ADAMTS20: variants seen among roughly 807,000 people sequenced by gnomAD.
The protein encoded by ADAMTS20 is A disintegrin and metalloproteinase with thrombospondin motifs 20.
A neutral mutation model predicts 260.1 loss-of-function variants in ADAMTS20; 225 were observed. The observed-to-expected ratio is 0.87, with a 90% CI of 0.78 to 0.97. The LOEUF is 0.97. Ranked by LOEUF, ADAMTS20 falls within the 50% of genes least tolerant of loss-of-function variation. ADAMTS20 has a pLI of 0.00. For missense variants in ADAMTS20, 2,400 were observed against 2,337.7 expected, an observed-to-expected ratio of 1.03 and a Z score of -0.55; for synonymous variants, 802 against 769.5, an observed-to-expected ratio of 1.04 and a Z score of -0.70.
rs543873572 is a variant in ADAMTS20 at position 43,471,032 on chromosome 12, C to T, written c.1118-2327G>A. 9.5e-4 allele frequency among the ~76,000 whole-genome samples: 144 copies of T among 152,266 alleles called. 1 individual carries two copies. Among genetic ancestry groups the T allele is most frequent in the Middle Eastern group, 6.8e-3 (2 of 294 alleles). On this transcript the variant is annotated intron_variant, in intron 7 of 38. Transcript: ENST00000389420. ...TCCGGTCTACAGCTCCCAGCGTGAG[C>T]GACGCAGAAGACGGGTGATTTCTGC... is the stretch of plus-strand genomic sequence containing the variant.
intron 3 of ADAMTS20, among the ~76,000 whole-genome samples, chr12:43,531,093 T>C (rs1288199924): frequency 6.6e-6 from 1 of 151,644 alleles, no homozygotes; most frequent in Non-Finnish European, 1.5e-5. Flanking sequence ...AACAGGAAAA[T>C]TGATATATGA....
chr12:43,530,643 C>A (rs1195216778), intron 3 of ADAMTS20, among the ~76,000 whole-genome samples: 1 of 152,092 alleles, frequency 6.6e-6, no homozygotes, highest in African/African-American at 2.4e-5. Context: ...CTAATCCCAC[C>A]CTTTTGTCTA....
chr12:43,479,993 G>C (rs1031649303), intron 7 of ADAMTS20, among the ~76,000 whole-genome samples: 8 of 151,984 alleles, frequency 5.3e-5, no homozygotes, highest in African/African-American at 1.9e-4. Flanking sequence ...AAAACAATAA[G>C]AAAATGCTAT....
intron 28 of ADAMTS20, among the ~76,000 whole-genome samples, chr12:43,408,508 G>T (rs1054441212): frequency 6.6e-6 from 1 of 152,086 alleles, no homozygotes; most frequent in Non-Finnish European, 1.5e-5. Flanking sequence ...CAGCCATAAA[G>T]CCAAGAACTA....
chr12:43,502,371 A>G lies in ADAMTS20; in HGVS notation c.648T>C (p.His216=). The G allele has an allele frequency of 6.2e-7, 1 of 1,603,590 alleles. No homozygotes were observed. Among genetic ancestry groups the G allele is most frequent in the Non-Finnish European group, 8.5e-7 (1 of 1,177,358 alleles). The change falls in exon 4 of 39, where the codon CAT becomes CAC. Residue 216 remains histidine, a synonymous_variant. Transcript: ENST00000389420. ...GATCTTCATTCATGTTGCTGTAGGT[A>G]TGAAAGGGTAAACTGGTTTCCTTTA... ...SQIKETSLPF[H]TYSNMNEDLN...
chr12:43,551,761 G>A lies in ADAMTS20; in HGVS notation c.91+70C>T. On this transcript the variant is annotated intron_variant, in intron 1 of 38. Transcript: ENST00000389420. The surrounding 1 kb of genome is among the most constrained non-coding windows in gnomAD (Gnocchi z 4.6). Reference sequence around the variant, plus strand: ...CCAACGGGCTGAGCCGCTCGTCCCCGCGACCTGCATGTCCCACTCGGGCCC... The same window carrying A: ...CCAACGGGCTGAGCCGCTCGTCCCCACGACCTGCATGTCCCACTCGGGCCC... 2.0e-6 allele frequency: 3 copies of A among 1,502,364 alleles called. No individual in the cohort carries two copies. The East Asian group carries it at 6.8e-5, about 34-fold the overall frequency. 93.1% of individuals were successfully genotyped at this position (1,502,364 alleles called of 1,614,324 possible). A position where few individuals can be genotyped will look rare whatever the true frequency, so the allele number is the denominator to read the frequency against.
At chr12:43,430,730 T>C (rs1471877322) in intron 22 of ADAMTS20, among the ~76,000 whole-genome samples, 2 of 152,108 alleles carry the variant, frequency 1.3e-5, no homozygotes, top group Non-Finnish European at 2.9e-5. Flanking sequence ...AAAATATAAA[T>C]AGAGGCCTGA....
Position 43,490,400 on chromosome 12 carries a change from A to G in ADAMTS20, c.1112T>C (p.Met371Thr). Residue 371 changes from methionine to threonine, a missense_variant, in exon 7 of 39, where the codon ATG becomes ACG. Transcript: ENST00000389420. ...TAATTGACAAAATAACTTACCTAAC[A>G]TGTTACATTTCTCTTTAGATGAACA... ...DICSSKEKCN[M>T]LGLSYLGTIC... The G allele has an allele frequency of 7.9e-7, 1 of 1,267,938 alleles. No individual in the cohort carries two copies. Among genetic ancestry groups the G allele is most frequent in the Non-Finnish European group, 1.1e-6 (1 of 933,280 alleles). 78.5% of individuals were successfully genotyped at this position (1,267,938 alleles called of 1,614,324 possible). A position where few individuals can be genotyped will look rare whatever the true frequency, so the allele number is the denominator to read the frequency against.
intron 35 of ADAMTS20, 135 bp from the exon 36 acceptor site, chr12:43,375,647 G>A (rs1306614682): frequency 7.2e-6 from 7 of 978,512 alleles, no homozygotes; most frequent in Middle Eastern, 3.3e-4. Flanking sequence ...CAAGAAAGAA[G>A]CAAAAATCAC....
chr12:43,516,870 A>C (rs1262769375), intron 3 of ADAMTS20, among the ~76,000 whole-genome samples: 1 of 152,096 alleles, frequency 6.6e-6, no homozygotes, highest in Non-Finnish European at 1.5e-5. Flanking sequence ...TTATCAAACC[A>C]AGACTGGCAA....
chr12:43,428,485 C>A lies in ADAMTS20; in HGVS notation c.3701G>T (p.Cys1234Phe). 1 of 1,613,808 alleles carries A rather than the reference C, an allele frequency of 6.2e-7. No individual in the cohort carries two copies. Among genetic ancestry groups the A allele is most frequent in the Non-Finnish European group, 8.5e-7 (1 of 1,179,810 alleles). The change falls in exon 26 of 39, where the codon TGC becomes TTC. Residue 1234 changes from cysteine to phenylalanine, a missense_variant. Physicochemically the swap from Cys to Phe is radical, Grantham distance 205. Transcript: ENST00000389420. ...GHGKTTRQVL[C>F]MNYHQPIDEN... The stretch of plus-strand genomic sequence containing the variant: ...ATCAATTGGCTGATGGTAGTTCATG[C>A]ATAAAACTTGTCGAGTTGTTTTTCC...
intron 2 of ADAMTS20, among the ~76,000 whole-genome samples, chr12:43,544,520 G>T (rs1268029425): frequency 6.6e-6 from 1 of 152,058 alleles, no homozygotes; most frequent in Non-Finnish European, 1.5e-5. Flanking sequence ...GAGAGTACAC[G>T]TGCATAAAAC....
intron 4 of ADAMTS20, among the ~76,000 whole-genome samples, 157 bp downstream of exon 4, chr12:43,501,995 C>T (rs963684950): frequency 6.6e-6 from 1 of 152,014 alleles, no homozygotes; most frequent in African/African-American, 2.4e-5. Flanking sequence ...TGCTATAACT[C>T]TATCTAAACT....
Position 43,376,219 on chromosome 12 carries a change from A to T in ADAMTS20, c.5220+17T>A. The T allele has an allele frequency of 6.5e-7, 1 of 1,532,660 alleles. No individual in the cohort carries two copies. The highest frequency in any genetic ancestry group is 1.2e-5 in the South Asian group (1 of 81,042). The allele number at this position is 1,532,660 out of a possible 1,614,324, so 94.9% of individuals were successfully genotyped here. ...ATGATCAATGTTAAAATAAAAAAGGAACTGTTTTCATAATACCTTTATTAT... is the reference window on the plus strand; with the variant it reads ...ATGATCAATGTTAAAATAAAAAAGGTACTGTTTTCATAATACCTTTATTAT... On this transcript the variant is annotated intron_variant, in intron 34 of 38. Coordinates refer to ENST00000389420, the MANE Select transcript of ADAMTS20 (RefSeq NM_025003.5).
intron 3 of ADAMTS20, among the ~76,000 whole-genome samples, chr12:43,506,878 T>C (rs1457667173): frequency 6.6e-6 from 1 of 151,974 alleles, no homozygotes; most frequent in Admixed American, 6.5e-5. Flanking sequence ...CCCAAATGTC[T>C]GTCCACAGGA....
intron 19 of ADAMTS20, 146 bp downstream of exon 19, chr12:43,434,099 A>G (rs575940583): frequency 6.9e-6 from 6 of 863,418 alleles, no homozygotes; most frequent in South Asian, 5.7e-5. Flanking sequence ...GAGTTTTACC[A>G]TAAAATAGTG....
At chr12:43,434,439 T>C (rs994639513) in intron 18 of ADAMTS20, 68 bp from the exon 19 acceptor site, 2 of 1,464,788 alleles carry the variant, frequency 1.4e-6, no homozygotes, top group African/African-American at 2.8e-5. Flanking sequence ...CATAATTATG[T>C]AATTCTGCTA....
At chr12:43,414,942 G>A (rs572700339) in intron 28 of ADAMTS20, among the ~76,000 whole-genome samples, 4 of 152,116 alleles carry the variant, frequency 2.6e-5, no homozygotes, top group Admixed American at 2.6e-4. Flanking sequence ...GTCAACTGAA[G>A]GATAAATATT....
intron 2 of ADAMTS20, among the ~76,000 whole-genome samples, chr12:43,534,838 G>A (rs905068868): frequency 5.9e-5 from 9 of 152,080 alleles, no homozygotes; most frequent in African/African-American, 1.9e-4. Flanking sequence ...AGGATTATTA[G>A]GAACAGTGCC....
Sources: allele counts gnomAD v4.1 joint callset (sites outside exome capture counted in the v4.1 genomes callset), GRCh38; gene constraint gnomAD v4.1.1; non-coding constraint Gnocchi (gnomAD v3.1); transcripts MANE v1.5; gene names NCBI Gene and HGNC (gene_info 2026-07-23, HGNC 2026-07-21).